WASHC3: variants seen among roughly 807,000 people sequenced by gnomAD.
The protein encoded by WASHC3 is WASH complex subunit CCDC53.
A neutral mutation model predicts 26.1 loss-of-function variants in WASHC3; 24 were observed. That is an observed-to-expected ratio of 0.92 (90% CI 0.66 to 1.29). The LOEUF is 1.29. WASHC3 is among the 50% of genes most tolerant of loss of function. The pLI is 0.00. For missense variants in WASHC3, 214 were observed against 229.6 expected, an observed-to-expected ratio of 0.93 and a Z score of 0.44; for synonymous variants, 77 against 75.7, an observed-to-expected ratio of 1.02 and a Z score of -0.09.
intron 2 of WASHC3, among the ~76,000 whole-genome samples, chr12:102,054,032 C>T (rs1878496491): frequency 6.6e-6 from 1 of 152,106 alleles, no homozygotes; most frequent in South Asian, 2.1e-4. Flanking sequence ...CCTGTTATAA[C>T]ATGTTTTATG....
intron 2 of WASHC3, among the ~76,000 whole-genome samples, chr12:102,058,791 C>T (rs111753874): frequency 1.3e-5 from 2 of 151,974 alleles, no homozygotes; most frequent in African/African-American, 4.8e-5. Context: ...AGCCAAGATA[C>T]GGAATCAAAA....
At chr12:102,058,644 A>G (rs1878685458) in intron 2 of WASHC3, among the ~76,000 whole-genome samples, 1 of 152,100 alleles carries the variant, frequency 6.6e-6, no homozygotes, top group Admixed American at 6.5e-5. Context: ...AATAGTACAG[A>G]GGTTCCACAA....
intron 6 of WASHC3, among the ~76,000 whole-genome samples, chr12:102,021,093 A>C (rs1876937495): frequency 6.6e-6 from 1 of 152,108 alleles, no homozygotes; most frequent in Non-Finnish European, 1.5e-5. Flanking sequence ...AAAAAACAAA[A>C]ACAAAAACAA....
At chr12:102,048,615 A>C (rs1878261622) in intron 2 of WASHC3, among the ~76,000 whole-genome samples, 1 of 148,670 alleles carries the variant, frequency 6.7e-6, no homozygotes, top group Admixed American at 6.7e-5. Context: ...TTAGGATCTA[A>C]GACTGTCACC....
chr12:102,032,978 T>C (rs949671031), intron 5 of WASHC3, among the ~76,000 whole-genome samples: 4 of 152,180 alleles, frequency 2.6e-5, no homozygotes, highest in African/African-American at 4.8e-5. Context: ...CTCTGTCAAC[T>C]GGTACTTGTG....
intron 5 of WASHC3, among the ~76,000 whole-genome samples, chr12:102,037,580 C>A (rs1263458224): frequency 6.6e-6 from 1 of 151,876 alleles, no homozygotes; most frequent in African/African-American, 2.4e-5. Context: ...CAGGGGCTGC[C>A]AATGTATTTA....
At chr12:102,035,510 C>A (rs545327301) in intron 5 of WASHC3, among the ~76,000 whole-genome samples, 1 of 152,258 alleles carries the variant, frequency 6.6e-6, no homozygotes, top group East Asian at 1.9e-4. Context: ...TAATGATTGG[C>A]AGATTCATGT....
At chr12:102,061,722 A>C (rs1204197853) in intron 1 of WASHC3, among the ~76,000 whole-genome samples, 190 bp downstream of exon 1, 5 of 152,096 alleles carry the variant, frequency 3.3e-5, no homozygotes, top group Non-Finnish European at 7.4e-5. Flanking sequence ...CCGTCTCCTT[A>C]ATCAGCTCAG....
chr12:102,013,808 C>T (rs1470573374), intron 6 of WASHC3, among the ~76,000 whole-genome samples: 2 of 152,008 alleles, frequency 1.3e-5, no homozygotes, highest in Non-Finnish European at 2.9e-5. Flanking sequence ...TTCAAAGATC[C>T]CCTAGGCATT....
At chr12:102,017,039 C>A (rs146478901) in intron 6 of WASHC3, among the ~76,000 whole-genome samples, 1 of 152,326 alleles carries the variant, frequency 6.6e-6, no homozygotes, top group East Asian at 1.9e-4. Context: ...GTGACCAGAG[C>A]AACTCCAGTC....
intron 5 of WASHC3, among the ~76,000 whole-genome samples, chr12:102,036,362 C>CA (rs1271595888): frequency 0.33 from 23,450 of 71,474 alleles, 3,257 homozygotes; most frequent in African/African-American, 0.38. Context: ...GACTCCGTCT[C>CA]AAAAAAAAAA....
chr12:102,061,817 G>T, intron 1 of WASHC3, 95 bp downstream of exon 1: 3 of 1,084,372 alleles, frequency 2.8e-6, no homozygotes, highest in South Asian at 1.4e-5. Flanking sequence ...GCCGTGACAG[G>T]GTGGGGACTC....
chr12:102,021,988 G>T (rs1876980690), intron 6 of WASHC3, among the ~76,000 whole-genome samples: 1 of 152,092 alleles, frequency 6.6e-6, no homozygotes, highest in Admixed American at 6.6e-5. Context: ...AATGTCTTTT[G>T]GATAGATATA....
chr12:102,014,736 T>G (rs1437314528), intron 6 of WASHC3, among the ~76,000 whole-genome samples: 1 of 152,172 alleles, frequency 6.6e-6, no homozygotes, highest in African/African-American at 2.4e-5. Context: ...TGACTGATGC[T>G]CCATCTGCCT....
intron 5 of WASHC3, among the ~76,000 whole-genome samples, chr12:102,036,602 C>CAT (rs745776367): frequency 4.6e-5 from 7 of 151,990 alleles, no homozygotes; most frequent in Non-Finnish European, 1.0e-4. Context: ...GACTAAGAGG[C>CAT]ATATATGAAC....
chr12:102,019,018 C>T (rs940837218), intron 6 of WASHC3, among the ~76,000 whole-genome samples: 4 of 151,884 alleles, frequency 2.6e-5, no homozygotes, highest in Non-Finnish European at 5.9e-5. Flanking sequence ...AGGCTGGTCT[C>T]GAATTCCTGA....
At chr12:102,023,955 C>A (rs527517460) in intron 6 of WASHC3, among the ~76,000 whole-genome samples, 2 of 152,072 alleles carry the variant, frequency 1.3e-5, no homozygotes, top group Admixed American at 6.6e-5. Context: ...GATCTTCCTC[C>A]GTGGTAGTTA....
chr12:102,047,593 T>C (rs991376868), intron 2 of WASHC3, among the ~76,000 whole-genome samples: 9 of 152,176 alleles, frequency 5.9e-5, no homozygotes, highest in African/African-American at 1.2e-4. Context: ...CTTAAAATCA[T>C]AGAAATTTAA....
chr12:102,047,611 A>T lies in WASHC3; in HGVS notation c.151-1492T>A, dbSNP rs555766981. Among the ~76,000 whole-genome samples, 6 of 152,322 alleles carry T rather than the reference A, an allele frequency of 3.9e-5. No homozygotes were observed. In the South Asian group the frequency reaches 1.2e-3, roughly 32 times the overall value. Reference sequence around the variant, plus strand: ...AAAATCATAGAAATTTAATTTTGGCAAATCTAATCAGTCTCAATTCACTAG... The same window carrying T: ...AAAATCATAGAAATTTAATTTTGGCTAATCTAATCAGTCTCAATTCACTAG... On this transcript the variant is annotated intron_variant, in intron 2 of 6. Coordinates refer to ENST00000240079, the MANE Select transcript of WASHC3 (RefSeq NM_016053.4).
Sources: gnomAD v4.1 joint callset for allele counts (sites outside exome capture counted in the v4.1 genomes callset) on GRCh38, gnomAD v4.1.1 for gene constraint, MANE v1.5 for transcripts, NCBI Gene and HGNC (gene_info 2026-07-23, HGNC 2026-07-21) for gene names.